The following ANAPC10 variants were observed in gnomAD, a reference collection of about 807,000 sequenced individuals.
ANAPC10 encodes the protein anaphase-promoting complex subunit 10.
A neutral mutation model predicts 22.0 loss-of-function variants in ANAPC10; 12 were observed. The observed-to-expected ratio is 0.55, with a 90% CI of 0.35 to 0.88. ANAPC10 has a LOEUF of 0.88. ANAPC10 is among the 40% of genes least tolerant of loss of function. The pLI is 0.01. For synonymous variants in ANAPC10, 65 were observed against 69.5 expected, an observed-to-expected ratio of 0.94 and a Z score of 0.32; for missense variants, 188 against 220.9, an observed-to-expected ratio of 0.85 and a Z score of 0.94.
intron 1 of ANAPC10, among the ~76,000 whole-genome samples, chr4:145,097,074 G>C (rs1002390770): frequency 3.3e-5 from 5 of 152,064 alleles, no homozygotes; most frequent in African/African-American, 1.2e-4. Context: ...GCCTGGTGTG[G>C]CGGCACACAC....
chr4:145,064,806 C>T, intron 3 of ANAPC10, 114 bp from the exon 4 acceptor site: 1 of 874,870 alleles, frequency 1.1e-6, no homozygotes, highest in Admixed American at 2.9e-5. Context: ...TTTGAATCAA[C>T]ATTTTCATAT....
At chr4:145,073,398 C>T (rs1744760671) in intron 3 of ANAPC10, among the ~76,000 whole-genome samples, 1 of 151,912 alleles carries the variant, frequency 6.6e-6, no homozygotes, top group African/African-American at 2.4e-5. Context: ...AAAATTAATC[C>T]AAAGAGATGA....
At chr4:144,998,507 C>T (rs1346845166) in intron 4 of ANAPC10, among the ~76,000 whole-genome samples, 1 of 152,176 alleles carries the variant, frequency 6.6e-6, no homozygotes, top group Non-Finnish European at 1.5e-5. Context: ...CAACCTGCTC[C>T]TGAATGACTA....
At chr4:145,079,142 A>G (rs1745597294) in intron 3 of ANAPC10, among the ~76,000 whole-genome samples, 2 of 152,196 alleles carry the variant, frequency 1.3e-5, no homozygotes, top group Non-Finnish European at 2.9e-5. Flanking sequence ...GCATCTGACA[A>G]AGGTCTAATA....
At chr4:145,002,532 C>T (rs753608365) in intron 4 of ANAPC10, among the ~76,000 whole-genome samples, 2 of 152,042 alleles carry the variant, frequency 1.3e-5, no homozygotes, top group Non-Finnish European at 1.5e-5. Flanking sequence ...GATTATATAG[C>T]TTAACTAGTC....
At chr4:145,023,179 CAA>C (rs973187769) in intron 4 of ANAPC10, among the ~76,000 whole-genome samples, 1 of 151,820 alleles carries the variant, frequency 6.6e-6, no homozygotes, top group Non-Finnish European at 1.5e-5. Flanking sequence ...AAGCCAGACA[CAA>C]AAGAGTATGC....
At chr4:145,089,969 T>C (rs1259969299) in intron 2 of ANAPC10, among the ~76,000 whole-genome samples, 1 of 152,202 alleles carries the variant, frequency 6.6e-6, no homozygotes, top group Non-Finnish European at 1.5e-5. Context: ...AATTGTTTAA[T>C]AAAGTCTTCT....
chr4:145,079,705 G>A (rs554725909), intron 3 of ANAPC10, among the ~76,000 whole-genome samples: 1 of 152,268 alleles, frequency 6.6e-6, no homozygotes, highest in East Asian at 1.9e-4. Context: ...TCATAAAAAA[G>A]AATGAAATCA....
At chr4:145,078,663 T>C (rs1179874253) in intron 3 of ANAPC10, among the ~76,000 whole-genome samples, 1 of 152,110 alleles carries the variant, frequency 6.6e-6, no homozygotes, top group Non-Finnish European at 1.5e-5. Context: ...AGCATGGTAC[T>C]GGTACAAAAA....
At chr4:145,045,529 T>C (rs746409372) in intron 4 of ANAPC10, among the ~76,000 whole-genome samples, 16 of 152,134 alleles carry the variant, frequency 1.1e-4, no homozygotes, top group Non-Finnish European at 1.5e-4. Context: ...TCCAAAGCCA[T>C]TCTACAAAAG....
intron 3 of ANAPC10, among the ~76,000 whole-genome samples, chr4:145,073,065 T>A (rs1403265266): frequency 6.6e-6 from 1 of 152,202 alleles, no homozygotes; most frequent in African/African-American, 2.4e-5. Flanking sequence ...GGTAATTTTT[T>A]AAGTTTTTTA....
chr4:145,033,870 G>C (rs947956037), intron 4 of ANAPC10, among the ~76,000 whole-genome samples: 2 of 152,200 alleles, frequency 1.3e-5, no homozygotes, highest in African/African-American at 2.4e-5. Flanking sequence ...ACATGTTTAT[G>C]CATGTATAGA....
chr4:145,080,704 T>C lies in ANAPC10; in HGVS notation c.206+956A>G, dbSNP rs144966959. Among the ~76,000 whole-genome samples, 49 of 152,026 alleles carry C rather than the reference T, an allele frequency of 3.2e-4. No homozygotes were observed. In the East Asian group the frequency reaches 8.9e-3, roughly 28 times the overall value. ...CGGGTTGAATCACAAGGTCAGGAGT[T>C]CCAGACCAGCCTGACCAACATGGAG... On this transcript the variant is annotated intron_variant, in intron 3 of 4. Coordinates refer to ENST00000507656, the MANE Select transcript of ANAPC10 (RefSeq NM_001256706.2).
chr4:145,086,332 T>C (rs921548682), intron 2 of ANAPC10, among the ~76,000 whole-genome samples: 4 of 152,150 alleles, frequency 2.6e-5, no homozygotes, highest in African/African-American at 9.7e-5. Flanking sequence ...TTAACAGGTA[T>C]CCAGAAAATC....
intron 4 of ANAPC10, among the ~76,000 whole-genome samples, chr4:145,044,932 G>A (rs1384286920): frequency 6.6e-6 from 1 of 151,838 alleles, no homozygotes; most frequent in Non-Finnish European, 1.5e-5. Context: ...AAGTTGCACA[G>A]AGTAATTTTC....
At position 145,080,815 on chromosome 4, in the gene ANAPC10, G is replaced by A. The variant is rs181569362; in HGVS notation, c.206+845C>T. ...CCAGTTACTCGGAAGGCTGAGGCAG[G>A]AGAATCGCTTGAACCTGGGAGGCGG... On this transcript the variant is annotated intron_variant, in intron 3 of 4. Coordinates refer to ENST00000507656, the MANE Select transcript of ANAPC10 (RefSeq NM_001256706.2). Among the ~76,000 whole-genome samples the A allele has an allele frequency of 2.9e-3, 440 of 150,934 alleles. 1 individual carries two copies. Among genetic ancestry groups the A allele is most frequent in the Non-Finnish European group, 4.5e-3 (304 of 67,864 alleles).
chr4:145,004,882 T>C (rs1733116105), intron 4 of ANAPC10, among the ~76,000 whole-genome samples: 1 of 151,398 alleles, frequency 6.6e-6, no homozygotes, highest in Non-Finnish European at 1.5e-5. Context: ...ATTAGGGGAG[T>C]CCCTCTTCCT....
In ANAPC10 at chr4:145,026,957, GTATA is replaced by G. The variant is rs1578954678; in HGVS notation, c.328-31358_328-31355del. 4.3e-3 allele frequency among the ~76,000 whole-genome samples: 78 copies of G among 18,344 alleles called. 3 individuals carry two copies. Among genetic ancestry groups the G allele is most frequent in the East Asian group, 0.013 (3 of 226 alleles). 12.0% of individuals were successfully genotyped at this position (18,344 alleles called of 152,430 possible). On this transcript the variant is annotated intron_variant, in intron 4 of 4. Coordinates refer to ENST00000507656, the MANE Select transcript of ANAPC10 (RefSeq NM_001256706.2). ...TATATATATATATATGTGTGTGTGTGTATATATATATATATATATATATATATAT... is the reference window on the plus strand; with the variant it reads ...TATATATATATATATGTGTGTGTGTGTATATATATATATATATATATATAT...
intron 3 of ANAPC10, among the ~76,000 whole-genome samples, chr4:145,069,524 T>C (rs1560906607): frequency 6.6e-6 from 1 of 152,162 alleles, no homozygotes; most frequent in Non-Finnish European, 1.5e-5. Context: ...CTGGGAATCA[T>C]TAAAGCTCCC....
Sources: allele counts gnomAD v4.1 joint callset (sites outside exome capture counted in the v4.1 genomes callset), GRCh38; gene constraint gnomAD v4.1.1; transcripts MANE v1.5; gene names NCBI Gene and HGNC (gene_info 2026-07-23, HGNC 2026-07-21).